PARD3: variants seen among roughly 807,000 people sequenced by gnomAD.
The protein encoded by PARD3 is partitioning defective 3 homolog.
In PARD3, 75 loss-of-function variants were observed where a neutral mutation model predicts 155.4. The ratio of observed to expected loss-of-function variants is 0.48; its 90% CI spans 0.40 to 0.58. The LOEUF is 0.58. Ranked by LOEUF, PARD3 falls within the 20% of genes least tolerant of loss-of-function variation. PARD3 has a pLI of 0.00. For synonymous variants in PARD3, 576 were observed against 610.5 expected (o/e 0.94, Z 0.83); for missense variants, 1,642 against 1,721.7 (o/e 0.95, Z 0.82).
chr10:34,435,783 G>T (rs1256970913), intron 5 of PARD3, among the ~76,000 whole-genome samples: 2 of 152,138 alleles, frequency 1.3e-5, no homozygotes, highest in Non-Finnish European at 2.9e-5. Context: ...AAAGCACCCC[G>T]CTTTGGGATA....
At chr10:34,714,161 C>T (rs1288723340) in intron 1 of PARD3, among the ~76,000 whole-genome samples, 1 of 152,104 alleles carries the variant, frequency 6.6e-6, no homozygotes, top group African/African-American at 2.4e-5. Flanking sequence ...AAAAACTTGA[C>T]CCCGAAGTAG....
chr10:34,666,830 C>T (rs1221048656), intron 2 of PARD3, among the ~76,000 whole-genome samples: 123 of 118,348 alleles, frequency 1.0e-3, no homozygotes, highest in African/African-American at 3.7e-3. Context: ...CACACACACA[C>T]ACACACAAAC....
At chr10:34,525,997 G>A (rs940085634) in intron 2 of PARD3, among the ~76,000 whole-genome samples, 5 of 146,794 alleles carry the variant, frequency 3.4e-5, no homozygotes, top group South Asian at 4.3e-4. Flanking sequence ...AAGGGGAATC[G>A]CTTGAACGTG....
chr10:34,547,868 T>C (rs531578331), intron 2 of PARD3, among the ~76,000 whole-genome samples: 2 of 152,254 alleles, frequency 1.3e-5, no homozygotes, highest in South Asian at 4.1e-4. Context: ...ACTGAAAAAA[T>C]AGCCTACATT....
chr10:34,345,889 C>T (rs1837369445), intron 15 of PARD3: 1 of 985,168 alleles, frequency 1.0e-6, no homozygotes, highest in South Asian at 4.7e-5. Context: ...GAGGAATTTT[C>T]AAATTTGCAA....
intron 2 of PARD3, among the ~76,000 whole-genome samples, chr10:34,639,656 A>C (rs1215119442): frequency 1.3e-5 from 2 of 152,212 alleles, no homozygotes; most frequent in African/African-American, 4.8e-5. Flanking sequence ...CCAGGAGCTC[A>C]AGACCAGCCC....
At chr10:34,572,249 GA>G (rs1448680746) in intron 2 of PARD3, among the ~76,000 whole-genome samples, 1 of 152,126 alleles carries the variant, frequency 6.6e-6, no homozygotes, top group Non-Finnish European at 1.5e-5. Context: ...GCTCACACCT[GA>G]AATCCCAGCA....
intron 1 of PARD3, among the ~76,000 whole-genome samples, chr10:34,792,353 G>A (rs897533233): frequency 1.3e-5 from 2 of 152,148 alleles, no homozygotes; most frequent in Non-Finnish European, 2.9e-5. Context: ...CCAAAGCACT[G>A]GGACTTCAGG....
At chr10:34,306,925 C>T (rs1957440707) in intron 20 of PARD3, among the ~76,000 whole-genome samples, 2 of 151,876 alleles carry the variant, frequency 1.3e-5, no homozygotes. Context: ...CTCGTTCTGT[C>T]CCCCACACTG....
At chr10:34,672,722 T>C (rs1334496914) in intron 2 of PARD3, among the ~76,000 whole-genome samples, 2 of 152,196 alleles carry the variant, frequency 1.3e-5, no homozygotes, top group Non-Finnish European at 2.9e-5. Context: ...AGAAGAACTG[T>C]TGCCTTTCAG....
chr10:34,362,459 A>G (rs1839541113), intron 12 of PARD3, among the ~76,000 whole-genome samples: 1 of 152,150 alleles, frequency 6.6e-6, no homozygotes, highest in Non-Finnish European at 1.5e-5. Context: ...TATTCAATAT[A>G]CTTTTTATTT....
At position 34,309,754 on chromosome 10, in the gene PARD3, C is replaced by T. The variant is rs552045654; in HGVS notation, c.3065+7353G>A. Among the ~76,000 whole-genome samples, 5 of 106,190 alleles carry T rather than the reference C, an allele frequency of 4.7e-5. No individual in the cohort carries two copies. The Admixed American group carries it at 5.2e-4, about 11-fold the overall frequency. The allele number at this position is 106,190 out of a possible 152,430, so 69.7% of individuals were successfully genotyped here. A position where few individuals can be genotyped will look rare whatever the true frequency, so the allele number is the denominator to read the frequency against. On this transcript the variant is annotated intron_variant, in intron 20 of 24. Transcript: ENST00000374788. Reference sequence around the variant, plus strand: ...AGAGGTTCAACCATCTCCCCCACCCCCCCGCCCCCCCAAGAAGAAAAGAGT... The same window carrying T: ...AGAGGTTCAACCATCTCCCCCACCCTCCCGCCCCCCCAAGAAGAAAAGAGT...
At chr10:34,302,759 A>G (rs750730897) in intron 20 of PARD3, among the ~76,000 whole-genome samples, 1 of 152,196 alleles carries the variant, frequency 6.6e-6, no homozygotes, top group East Asian at 1.9e-4. Context: ...AGTTCAGAGA[A>G]AGAAGTCAAA....
At chr10:34,599,598 C>A (rs2089594217) in intron 2 of PARD3, among the ~76,000 whole-genome samples, 1 of 152,166 alleles carries the variant, frequency 6.6e-6, no homozygotes, top group African/African-American at 2.4e-5. Context: ...TAAAATTTTA[C>A]TTTATGACCT....
At chr10:34,532,437 A>G (rs1377979043) in intron 2 of PARD3, among the ~76,000 whole-genome samples, 1 of 152,160 alleles carries the variant, frequency 6.6e-6, no homozygotes, top group Non-Finnish European at 1.5e-5. Flanking sequence ...ACCAGCTTAT[A>G]AGGCTGGGCT....
At chr10:34,479,237 C>T (rs549511796) in intron 3 of PARD3, among the ~76,000 whole-genome samples, 2 of 150,696 alleles carry the variant, frequency 1.3e-5, no homozygotes, top group South Asian at 4.2e-4. Flanking sequence ...TCTTGGCTCA[C>T]TGCAAGCTCC....
intron 14 of PARD3, among the ~76,000 whole-genome samples, chr10:34,355,787 G>A (rs1838737771): frequency 6.6e-6 from 1 of 151,658 alleles, no homozygotes; most frequent in South Asian, 2.1e-4. Flanking sequence ...AATTAGCTGG[G>A]CATGGCGCAC....
chr10:34,145,183 GTGTGTGTATATA>G (rs1211905715), intron 22 of PARD3, among the ~76,000 whole-genome samples: 36 of 80,238 alleles, frequency 4.5e-4, no homozygotes, highest in African/African-American at 1.5e-3. Context: ...CATTGTGTGT[GTGTGTGTATATA>G]TATATATATA....
At chr10:34,370,234 T>C (rs1840443952) in intron 12 of PARD3, among the ~76,000 whole-genome samples, 2 of 152,182 alleles carry the variant, frequency 1.3e-5, no homozygotes, top group Admixed American at 6.5e-5. Context: ...GTCAGACACA[T>C]GTAAAAGTAT....
Sources: gnomAD v4.1 joint callset for allele counts (sites outside exome capture counted in the v4.1 genomes callset) on GRCh38, gnomAD v4.1.1 for gene constraint, MANE v1.5 for transcripts, NCBI Gene and HGNC (gene_info 2026-07-23, HGNC 2026-07-21) for gene names.